QTRT2: variants seen among roughly 807,000 people sequenced by gnomAD.
QTRT2 encodes the protein queuine tRNA-ribosyltransferase accessory subunit 2.
In QTRT2, 32 loss-of-function variants were observed where a neutral mutation model predicts 44.8. The ratio of observed to expected loss-of-function variants is 0.71; its 90% CI spans 0.54 to 0.96. QTRT2 has a LOEUF of 0.96. QTRT2 is among the 40% of genes least tolerant of loss of function. The pLI is 0.00. For synonymous variants in QTRT2, 182 were observed against 187.4 expected (o/e 0.97, Z 0.24); for missense variants, 461 against 503.1 (o/e 0.92, Z 0.80).
chr3:114,065,409 A>G lies in QTRT2; in HGVS notation c.152A>G (p.His51Arg). ...SAPHLTHHTL[H>R]NIHGVPAMAQ... The stretch of plus-strand genomic sequence containing the variant: ...CCACACCTCACCCATCACACGCTGC[A>G]TAATATCCACGGGGTTCCTGCCATG... The change falls in exon 3 of 10, where the codon CAT becomes CGT. Residue 51 changes from histidine to arginine, a missense_variant. Physicochemically the swap from His to Arg is conservative, Grantham distance 29. Transcript: ENST00000281273. The G allele has an allele frequency of 3.7e-6, 6 of 1,614,136 alleles. No individual in the cohort carries two copies. The highest frequency in any genetic ancestry group is 4.2e-6 in the Non-Finnish European group (5 of 1,180,030).
chr3:114,086,669 A>C lies in QTRT2; in HGVS notation c.*765A>C, dbSNP rs1346881897. 6.6e-6 allele frequency: 1 copy of C among 152,418 alleles called. No homozygotes were observed. Among genetic ancestry groups the C allele is most frequent in the Non-Finnish European group, 1.5e-5 (1 of 68,210 alleles). 9.4% of individuals were successfully genotyped at this position (152,418 alleles called of 1,614,324 possible). A position where few individuals can be genotyped will look rare whatever the true frequency, so the allele number is the denominator to read the frequency against. On this transcript the variant is annotated 3_prime_UTR_variant, in exon 10 of 10. Coordinates refer to ENST00000281273, the MANE Select transcript of QTRT2 (RefSeq NM_024638.4). ...CTCATTAATAGTCTAACTACGTAAT[A>C]ACTGAAGACCTATCTCTTGTGAAGA... is the stretch of plus-strand genomic sequence containing the variant.
intron 6 of QTRT2, 52 bp from the exon 7 acceptor site, chr3:114,076,691 C>A: frequency 6.4e-7 from 1 of 1,557,074 alleles, no homozygotes; most frequent in Non-Finnish European, 8.9e-7. Flanking sequence ...TTCATTTAAA[C>A]AAAGGTCTCA....
At chr3:114,083,086 A>G (rs1244413949) in intron 9 of QTRT2, 1 of 341,768 alleles carries the variant, frequency 2.9e-6, no homozygotes, top group African/African-American at 2.2e-5. Flanking sequence ...GAGCATAATA[A>G]GGAGTTCAAG....
At chr3:114,077,010 A>G in intron 7 of QTRT2, 68 bp downstream of exon 7, 1 of 1,422,040 alleles carries the variant, frequency 7.0e-7, no homozygotes, top group Non-Finnish European at 9.8e-7. Context: ...CCGATTGTAT[A>G]TTAAATAGTG....
At chr3:114,058,390 TTTAACAG>T (rs557592811) in intron 2 of QTRT2, among the ~76,000 whole-genome samples, 74 of 152,338 alleles carry the variant, frequency 4.9e-4, no homozygotes, top group African/African-American at 1.8e-3. Context: ...TCATTAATCG[TTTAACAG>T]TTACTTCTGA....
At chr3:114,073,622 G>A (rs912688088) in intron 6 of QTRT2, among the ~76,000 whole-genome samples, 18 of 152,010 alleles carry the variant, frequency 1.2e-4, no homozygotes, top group Middle Eastern at 3.4e-3. Context: ...CTTTTCATTC[G>A]CCTGCCTCAG....
chr3:114,064,875 C>T, intron 2 of QTRT2, among the ~76,000 whole-genome samples: 1 of 152,162 alleles, frequency 6.6e-6, no homozygotes, highest in East Asian at 1.9e-4. Context: ...AGCAGTGTTA[C>T]TGTTCTCTGT....
chr3:114,059,617 T>A (rs185367859), intron 2 of QTRT2, among the ~76,000 whole-genome samples: 41 of 152,074 alleles, frequency 2.7e-4, no homozygotes, highest in African/African-American at 3.6e-4. Flanking sequence ...TCCATTTTTT[T>A]AAAAAAAATA....
At position 114,057,086 on chromosome 3, in the gene QTRT2, T is replaced by G. The variant is rs1405619109; in HGVS notation, c.-42T>G. ...CACCTCTGAGATAAAAGGGCCCCTTTCGACTAGCCTCTGCTGAAAGGTAGA... is the reference window on the plus strand; with the variant it reads ...CACCTCTGAGATAAAAGGGCCCCTTGCGACTAGCCTCTGCTGAAAGGTAGA... On this transcript the variant is annotated 5_prime_UTR_variant, in exon 2 of 10. Coordinates refer to ENST00000281273, the MANE Select transcript of QTRT2 (RefSeq NM_024638.4). 2.2e-6 allele frequency: 3 copies of G among 1,365,842 alleles called. No individual in the cohort carries two copies. The African/African-American group carries it at 4.5e-5, about 20-fold the overall frequency. The allele number at this position is 1,365,842 out of a possible 1,614,324, so 84.6% of individuals were successfully genotyped here. A position where few individuals can be genotyped will look rare whatever the true frequency, so the allele number is the denominator to read the frequency against.
At position 114,086,655 on chromosome 3, in the gene QTRT2, T is replaced by A. The variant is rs2077240653; in HGVS notation, c.*751T>A. ...GTCTGCCTTCCAGGCTCATTAATAG[T>A]CTAACTACGTAATAACTGAAGACCT... On this transcript the variant is annotated 3_prime_UTR_variant, in exon 10 of 10. Coordinates refer to ENST00000281273, the MANE Select transcript of QTRT2 (RefSeq NM_024638.4). 1.3e-5 allele frequency: 2 copies of A among 152,538 alleles called. No homozygotes were observed. 9.4% of individuals were successfully genotyped at this position (152,538 alleles called of 1,614,324 possible). A position where few individuals can be genotyped will look rare whatever the true frequency, so the allele number is the denominator to read the frequency against.
Position 114,086,027 on chromosome 3 carries a change from A to T in QTRT2, c.*123A>T, listed in dbSNP as rs2077232947. The T allele has an allele frequency of 3.8e-6, 3 of 797,974 alleles. No individual in the cohort carries two copies. Among genetic ancestry groups the T allele is most frequent in the Non-Finnish European group, 6.0e-6 (3 of 499,236 alleles). The allele number at this position is 797,974 out of a possible 1,614,324, so 49.4% of individuals were successfully genotyped here. A position where few individuals can be genotyped will look rare whatever the true frequency, so the allele number is the denominator to read the frequency against. On this transcript the variant is annotated 3_prime_UTR_variant, in exon 10 of 10. Transcript: ENST00000281273. Reference sequence around the variant, plus strand: ...TATATTTGGATATAAGGTCTGCTTAAATAAAGAATCTTTGTACCAAACTGC... The same window carrying T: ...TATATTTGGATATAAGGTCTGCTTATATAAAGAATCTTTGTACCAAACTGC...
At chr3:114,085,356 C>A (rs906440859) in intron 9 of QTRT2, among the ~76,000 whole-genome samples, 2 of 152,044 alleles carry the variant, frequency 1.3e-5, no homozygotes, top group Non-Finnish European at 2.9e-5. Flanking sequence ...TACAGGCACG[C>A]GCCACCATGC....
Position 114,075,570 on chromosome 3 carries a change from G to T in QTRT2, c.547-1173G>T, listed in dbSNP as rs563052136. On this transcript the variant is annotated intron_variant, in intron 6 of 9. Transcript: ENST00000281273. Reference sequence around the variant, plus strand: ...GTCATCTAGGCTGGAGTGCAGTGGCGCAATCTCCACTCAGCGCAGCCTCCT... The same window carrying T: ...GTCATCTAGGCTGGAGTGCAGTGGCTCAATCTCCACTCAGCGCAGCCTCCT... Among the ~76,000 whole-genome samples, 29 of 147,080 alleles carry T rather than the reference G, an allele frequency of 2.0e-4. 1 individual carries two copies. The highest frequency in any genetic ancestry group is 7.6e-4 in the Admixed American group (11 of 14,556).
intron 6 of QTRT2, among the ~76,000 whole-genome samples, chr3:114,075,481 A>G (rs1382887527): frequency 6.8e-6 from 1 of 147,020 alleles, no homozygotes; most frequent in Non-Finnish European, 1.5e-5. Context: ...TTAATGGTAT[A>G]CTTTAGTAGA....
chr3:114,073,810 C>A (rs376594933), intron 6 of QTRT2, among the ~76,000 whole-genome samples: 3 of 152,134 alleles, frequency 2.0e-5, no homozygotes, highest in African/African-American at 7.2e-5. Flanking sequence ...GTGCTTCTTA[C>A]ACCCAGGAAA....
intron 6 of QTRT2, among the ~76,000 whole-genome samples, chr3:114,074,161 A>G (rs2077059806): frequency 6.6e-6 from 1 of 152,156 alleles, no homozygotes; most frequent in African/African-American, 2.4e-5. Context: ...CTGGGCAATC[A>G]TGTTTGTATC....
At chr3:114,072,865 A>G (rs2077042613) in intron 6 of QTRT2, among the ~76,000 whole-genome samples, 1 of 152,178 alleles carries the variant, frequency 6.6e-6, no homozygotes, top group African/African-American at 2.4e-5. Flanking sequence ...AGCAGAGTTA[A>G]TTAAGTGGGA....
At chr3:114,069,462 T>C (rs986896578) in intron 5 of QTRT2, among the ~76,000 whole-genome samples, 3 of 152,202 alleles carry the variant, frequency 2.0e-5, no homozygotes, top group Non-Finnish European at 4.4e-5. Context: ...GTTCTCATCA[T>C]TTAGCCCCCA....
At chr3:114,064,098 T>G (rs531092892) in intron 2 of QTRT2, among the ~76,000 whole-genome samples, 1 of 151,754 alleles carries the variant, frequency 6.6e-6, no homozygotes, top group Non-Finnish European at 1.5e-5. Flanking sequence ...ACCTGTAATC[T>G]CAACTACTTG....
Sources: allele counts gnomAD v4.1 joint callset (sites outside exome capture counted in the v4.1 genomes callset), GRCh38; gene constraint gnomAD v4.1.1; transcripts MANE v1.5; gene names NCBI Gene and HGNC (gene_info 2026-07-23, HGNC 2026-07-21).